The following MAP3K1 variants were observed in gnomAD, a reference collection of about 807,000 sequenced individuals.
The protein encoded by MAP3K1 is mitogen-activated protein kinase kinase kinase 1, also known as MAP/ERK kinase kinase 1.
A neutral mutation model predicts 144.2 loss-of-function variants in MAP3K1; 36 were observed. That is an observed-to-expected ratio of 0.25 (90% confidence interval 0.19 to 0.33). The LOEUF (loss-of-function observed/expected upper bound fraction) is 0.33. Ranked by LOEUF, MAP3K1 falls within the 10% of genes least tolerant of loss-of-function variation. MAP3K1 has a pLI of 1.00. For synonymous variants in MAP3K1, 718 were observed against 688.7 expected (o/e 1.04, Z -0.67); for missense variants, 1,650 against 1,881.9 (o/e 0.88, Z 2.28).
At chr5:56,826,240 A>T (rs1330860916) in intron 1 of MAP3K1, among the ~76,000 whole-genome samples, 1 of 152,186 alleles carries the variant, frequency 6.6e-6, no homozygotes, top group Non-Finnish European at 1.5e-5. Context: ...ATTCCACTAA[A>T]AAATAAATGT....
chr5:56,852,999 G>C, intron 1 of MAP3K1, among the ~76,000 whole-genome samples: 1 of 152,166 alleles, frequency 6.6e-6, no homozygotes, highest in East Asian at 1.9e-4. Context: ...AACAATACAA[G>C]TATGTAAAAA....
At chr5:56,816,953 G>A in intron 1 of MAP3K1, 1 of 335,700 alleles carries the variant, frequency 3.0e-6, no homozygotes, top group Non-Finnish European at 4.2e-6. Context: ...AGTGGTGACT[G>A]CTCCCCGCAG....
chr5:56,882,987 G>A (rs760290974), intron 14 of MAP3K1, 121 bp downstream of exon 14: 13 of 766,342 alleles, frequency 1.7e-5, no homozygotes, highest in East Asian at 8.0e-5. Context: ...ACAGGAGTTC[G>A]AAACTAGCCT....
intron 2 of MAP3K1, among the ~76,000 whole-genome samples, chr5:56,858,685 A>G (rs920866942): frequency 3.3e-5 from 5 of 152,232 alleles, no homozygotes; most frequent in African/African-American, 9.6e-5. Flanking sequence ...TCACAAAGCA[A>G]CTTGTGACTA....
In MAP3K1 at chr5:56,880,714, C is replaced by T. The variant is rs372638992; in HGVS notation, c.2091C>T (p.Arg697=). 80 of 1,612,706 alleles carry T rather than the reference C, an allele frequency of 5.0e-5. No homozygotes were observed. The Middle Eastern group carries it at 9.9e-4, about 20-fold the overall frequency. Residue 697 remains arginine (R), a synonymous_variant, in exon 12 of 20, where the codon CGC becomes CGT. Transcript: ENST00000399503. ...GTTGCTTTTCCTTTGTTTTTAGCCG[C>T]ACAAGTCAGCTGTCCATATCAACAC... The part of the protein sequence containing the change: ...ILVKCADANS[R]TSQLSISTLL...
At position 56,837,030 on chromosome 5, in the gene MAP3K1, C is replaced by G. The variant is rs537113083; in HGVS notation, c.483-19570C>G. On this transcript the variant is annotated intron_variant, in intron 1 of 19. Coordinates refer to ENST00000399503, the MANE Select transcript of MAP3K1 (RefSeq NM_005921.2). ...GCTTATGCTGTGGTTTTAAATGTAT[C>G]CTGCCAGCAGTATCCCCCCACCTTA... Among the ~76,000 whole-genome samples the G allele has an allele frequency of 2.2e-4, 34 of 152,186 alleles. 1 individual carries two copies. In the South Asian group the frequency reaches 6.6e-3, roughly 30 times the overall value.
chr5:56,820,607 C>T, intron 1 of MAP3K1: 3 of 983,530 alleles, frequency 3.1e-6, no homozygotes, highest in Non-Finnish European at 3.6e-6. Flanking sequence ...TTGATTTGTG[C>T]TGTATTAAAT....
At chr5:56,816,277 A>G (rs977191112) in intron 1 of MAP3K1, among the ~76,000 whole-genome samples, 1 of 151,712 alleles carries the variant, frequency 6.6e-6, no homozygotes, top group African/African-American at 2.4e-5. Context: ...AGAGTTTGTT[A>G]TTGTTTGCAG....
chr5:56,864,864 T>TA lies in MAP3K1; in HGVS notation c.966dup (p.Gly323ArgfsTer3). ...GCCAGACTGTACTTACTGCAGCAGA[T>TA]AGGGCCTAACTCTTTCCTGATTGGA... is the stretch of plus-strand genomic sequence containing the variant. On this transcript the variant is annotated frameshift_variant, in exon 4 of 20. Coordinates refer to ENST00000399503, the MANE Select transcript of MAP3K1 (RefSeq NM_005921.2). LOFTEE classifies it high-confidence loss of function. The TA allele has an allele frequency of 6.2e-7, 1 of 1,614,086 alleles. No individual in the cohort carries two copies. The highest frequency in any genetic ancestry group is 8.5e-7 in the Non-Finnish European group (1 of 1,180,006).
intron 1 of MAP3K1, among the ~76,000 whole-genome samples, chr5:56,849,377 A>C (rs1747099228): frequency 6.6e-6 from 1 of 151,740 alleles, no homozygotes; most frequent in South Asian, 2.1e-4. Flanking sequence ...AAAAGAATCA[A>C]TCCTTTGTTG....
chr5:56,815,707 G>A lies in MAP3K1; in HGVS notation c.134G>A (p.Arg45Gln), dbSNP rs1009323622. 1 of 1,325,478 alleles carries A rather than the reference G, an allele frequency of 7.5e-7. No individual in the cohort carries two copies. The highest frequency in any genetic ancestry group is 9.6e-7 in the Non-Finnish European group (1 of 1,039,498). 82.1% of individuals were successfully genotyped at this position (1,325,478 alleles called of 1,614,324 possible). ...CCCGCGGCTGCCGCGGGACTGCTGCGGGAGGCGGGCAGCGGGGGCCGCGAG... is the reference window on the plus strand; with the variant it reads ...CCCGCGGCTGCCGCGGGACTGCTGCAGGAGGCGGGCAGCGGGGGCCGCGAG... The part of the protein sequence containing the change: ...SAPAAAAGLL[R>Q]EAGSGGRERA... Residue 45 changes from arginine (R) to glutamine (Q), a missense_variant, in exon 1 of 20, where the codon CGG becomes CAG. By Grantham distance (43) the Arg-to-Gln change is conservative. This residue lies in a region of MAP3K1 where 360 missense variants were observed against 274.7 expected (regional missense o/e 1.31). Transcript: ENST00000399503.
chr5:56,839,406 C>G (rs1050476475), intron 1 of MAP3K1, among the ~76,000 whole-genome samples: 1 of 152,052 alleles, frequency 6.6e-6, no homozygotes, highest in Non-Finnish European at 1.5e-5. Context: ...ATTGATTTAT[C>G]CTTGCTTATG....
At chr5:56,843,499 G>A (rs943371369) in intron 1 of MAP3K1, among the ~76,000 whole-genome samples, 4 of 152,166 alleles carry the variant, frequency 2.6e-5, no homozygotes, top group Non-Finnish European at 4.4e-5. Flanking sequence ...ACCATATAGA[G>A]ACCTTTAGAG....
At chr5:56,882,909 C>T (rs1316785871) in intron 14 of MAP3K1, 43 bp downstream of exon 14, 1 of 1,481,682 alleles carries the variant, frequency 6.7e-7, no homozygotes. Flanking sequence ...TTCCTTGGGG[C>T]TGGGCACAGT....
chr5:56,865,950 G>A lies in MAP3K1; in HGVS notation c.1274G>A (p.Ser425Asn). The change falls in exon 6 of 20, where the codon AGT (serine) becomes AAT (asparagine). Residue 425 changes from serine (S) to asparagine (N), a missense_variant. Physicochemically the swap from Ser to Asn is conservative, Grantham distance 46 (BLOSUM62 1). This residue lies in a region of MAP3K1 where 125 missense variants were observed against 179.9 expected (regional missense o/e 0.69). Coordinates refer to ENST00000399503, the MANE Select transcript of MAP3K1 (RefSeq NM_005921.2). ...MSNSHTLSSSSTSTSSSENSI... is the reference protein window; with the variant it reads ...MSNSHTLSSSNTSTSSSENSI... Reference sequence around the variant, plus strand: ...AATTCTCATACATTGTCATCATCTAGTACTTCTACGTCTAGTTCAGAAAAC... The same window carrying A: ...AATTCTCATACATTGTCATCATCTAATACTTCTACGTCTAGTTCAGAAAAC... 1 of 1,611,640 alleles carries A rather than the reference G, an allele frequency of 6.2e-7. No homozygotes were observed. The highest frequency in any genetic ancestry group is 8.5e-7 in the Non-Finnish European group (1 of 1,177,760).
At chr5:56,868,926 A>G (rs1747767106) in intron 6 of MAP3K1, among the ~76,000 whole-genome samples, 1 of 152,168 alleles carries the variant, frequency 6.6e-6, no homozygotes, top group South Asian at 2.1e-4. Flanking sequence ...CCTTTAGGAC[A>G]TTATTCTAAG....
rs1746711368 is a variant in MAP3K1 at position 56,838,199 on chromosome 5, C to T, written c.483-18401C>T. Among the ~76,000 whole-genome samples, 3 of 150,788 alleles carry T rather than the reference C, an allele frequency of 2.0e-5. 1 individual carries two copies. In the South Asian group the frequency reaches 6.4e-4, roughly 32 times the overall value. On this transcript the variant is annotated intron_variant, in intron 1 of 19. Transcript: ENST00000399503. ...TTTAAAAAGAATATTCATATGCATG[C>T]CTATGAAAAAGAGCTGTCTTGTTTT...
chr5:56,871,891 T>G lies in MAP3K1; in HGVS notation c.1302-19T>G. The G allele has an allele frequency of 1.2e-6, 2 of 1,612,828 alleles. No homozygotes were observed. The highest frequency in any genetic ancestry group is 8.5e-7 in the Non-Finnish European group (1 of 1,178,878). ...TATATTCTTTTATGCTTAATACTTT[T>G]TCTTCCCCTTTTCTATAGCATAAAG... On this transcript the variant is annotated intron_variant, in intron 6 of 19. Transcript: ENST00000399503.
intron 1 of MAP3K1, among the ~76,000 whole-genome samples, chr5:56,839,429 T>A (rs2111809001): frequency 6.6e-6 from 1 of 152,336 alleles, no homozygotes; most frequent in Admixed American, 6.5e-5. Context: ...TACAGATTAA[T>A]GGTATAATCC....
Sources: gnomAD v4.1 joint callset for allele counts (sites outside exome capture counted in the v4.1 genomes callset) on GRCh38, gnomAD v4.1.1 for gene constraint, gnomAD v4.1.1 regional missense constraint, MANE v1.5 for transcripts, NCBI Gene and HGNC (gene_info 2026-07-23, HGNC 2026-07-21) for gene names.